The following TMEM132B variants were observed in gnomAD, a reference collection of about 807,000 sequenced individuals.
The protein encoded by TMEM132B is transmembrane protein 132B.
In TMEM132B, 18 loss-of-function variants were observed where a neutral mutation model predicts 90.8. That is an observed-to-expected ratio of 0.20 (90% CI 0.14 to 0.29). The LOEUF (loss-of-function observed/expected upper bound fraction) is 0.29. Ranked by LOEUF, TMEM132B falls within the 10% of genes least tolerant of loss-of-function variation. The pLI is 1.00. For missense variants in TMEM132B, 1,096 were observed against 1,326.8 expected (o/e 0.83, Z 2.70); for synonymous variants, 504 against 523.3 (o/e 0.96, Z 0.50).
At chr12:125,474,357 A>G (rs1370056006) in intron 3 of TMEM132B, among the ~76,000 whole-genome samples, 1 of 132,048 alleles carries the variant, frequency 7.6e-6, no homozygotes, top group Non-Finnish European at 1.5e-5. Flanking sequence ...CTGCAGTGGC[A>G]CAATCATAAC....
intron 4 of TMEM132B, among the ~76,000 whole-genome samples, chr12:125,568,492 A>G (rs190992279): frequency 8.7e-4 from 133 of 152,238 alleles, no homozygotes; most frequent in African/African-American, 3.0e-3. Flanking sequence ...CCCGCTCTCA[A>G]GGTCAGCCCT....
chr12:125,489,644 T>C (rs746894469), intron 3 of TMEM132B, among the ~76,000 whole-genome samples: 13 of 152,130 alleles, frequency 8.5e-5, no homozygotes, highest in Non-Finnish European at 1.6e-4. Context: ...ACTCCTAGGC[T>C]CAAGTGATTC....
intron 1 of TMEM132B, among the ~76,000 whole-genome samples, chr12:125,257,144 T>G (rs920440450): frequency 6.6e-5 from 10 of 152,038 alleles, no homozygotes; most frequent in Non-Finnish European, 1.5e-4. Context: ...AGACTCCAAC[T>G]CTCAGAAACA....
intron 1 of TMEM132B, among the ~76,000 whole-genome samples, chr12:125,241,311 G>T (rs1412295346): frequency 1.3e-5 from 2 of 152,146 alleles, no homozygotes; most frequent in Non-Finnish European, 2.9e-5. Flanking sequence ...ATGGGAATGG[G>T]ATATAAAAAT....
intron 1 of TMEM132B, among the ~76,000 whole-genome samples, chr12:125,322,454 A>C (rs929414422): frequency 1.3e-5 from 2 of 152,240 alleles, no homozygotes; most frequent in African/African-American, 4.8e-5. Context: ...ATGTATGTGA[A>C]TATCTAGAAC....
intron 1 of TMEM132B, among the ~76,000 whole-genome samples, chr12:125,336,078 G>A (rs1486344259): frequency 1.3e-5 from 2 of 152,182 alleles, no homozygotes; most frequent in Admixed American, 6.5e-5. Context: ...TGTAAGCATC[G>A]GCACGGTCAG....
intron 1 of TMEM132B, among the ~76,000 whole-genome samples, chr12:125,313,029 T>C (rs186263805): frequency 7.2e-5 from 11 of 152,316 alleles, no homozygotes; most frequent in East Asian, 1.9e-4. Flanking sequence ...ATAATTTTTA[T>C]TGGACACCCC....
intron 2 of TMEM132B, among the ~76,000 whole-genome samples, chr12:125,400,680 G>A (rs918198547): frequency 1.3e-5 from 2 of 152,208 alleles, no homozygotes; most frequent in Non-Finnish European, 2.9e-5. Flanking sequence ...TGCTTAGTGG[G>A]AGATGCAAGC....
intron 2 of TMEM132B, among the ~76,000 whole-genome samples, chr12:125,386,821 G>T (rs1165716155): frequency 1.3e-5 from 2 of 152,206 alleles, no homozygotes; most frequent in African/African-American, 4.8e-5. Context: ...AATGCATGCA[G>T]CCTGCTGTTT....
intron 2 of TMEM132B, among the ~76,000 whole-genome samples, chr12:125,358,858 A>G (rs1593103126): frequency 6.6e-6 from 1 of 152,212 alleles, no homozygotes; most frequent in Admixed American, 6.5e-5. Flanking sequence ...CCTTTTGCTT[A>G]TAACTTTTGG....
intron 3 of TMEM132B, among the ~76,000 whole-genome samples, chr12:125,509,348 A>T (rs377140742): frequency 6.6e-6 from 1 of 152,136 alleles, no homozygotes; most frequent in Admixed American, 6.5e-5. Flanking sequence ...TTCTCTGCGC[A>T]TGCAGGAGGA....
intron 1 of TMEM132B, among the ~76,000 whole-genome samples, chr12:125,241,188 G>T (rs1044701013): frequency 3.3e-5 from 5 of 152,194 alleles, no homozygotes; most frequent in Non-Finnish European, 1.5e-5. Flanking sequence ...AGAAATTTGA[G>T]ATATGGTAAT....
Position 125,261,213 on chromosome 12 carries a change from A to AT in TMEM132B, c.67+74353dup, listed in dbSNP as rs1874560604. On this transcript the variant is annotated intron_variant, in intron 1 of 8. Coordinates refer to ENST00000682704, the MANE Select transcript of TMEM132B (RefSeq NM_001366854.1). The stretch of plus-strand genomic sequence containing the variant: ...AATTCTGTGACTGTTTTCAGTGCCC[A>AT]TTTTTTCTTTCTTTTCCTGCAAAAT... Among the ~76,000 whole-genome samples the AT allele has an allele frequency of 2.0e-5, 3 of 152,142 alleles. 1 individual carries two copies. Among genetic ancestry groups the AT allele is most frequent in the South Asian group, 4.1e-4 (2 of 4,832 alleles).
At chr12:125,553,520 C>T (rs949139090) in intron 4 of TMEM132B, among the ~76,000 whole-genome samples, 4 of 152,072 alleles carry the variant, frequency 2.6e-5, no homozygotes, top group African/African-American at 4.8e-5. Flanking sequence ...CTCTGAAGTT[C>T]GATGAGGATC....
At chr12:125,272,899 C>T (rs755843075) in intron 1 of TMEM132B, among the ~76,000 whole-genome samples, 2 of 152,172 alleles carry the variant, frequency 1.3e-5, no homozygotes, top group Non-Finnish European at 2.9e-5. Flanking sequence ...TGTCATTCTT[C>T]GCTCAAACAG....
chr12:125,636,160 G>A (rs1033782514), intron 5 of TMEM132B, among the ~76,000 whole-genome samples: 7 of 152,144 alleles, frequency 4.6e-5, no homozygotes, highest in African/African-American at 9.7e-5. Flanking sequence ...TTTTTGGTGT[G>A]TAGATAGTTG....
chr12:125,343,302 G>A (rs1168634376), intron 1 of TMEM132B, among the ~76,000 whole-genome samples: 2 of 152,114 alleles, frequency 1.3e-5, no homozygotes, highest in Non-Finnish European at 2.9e-5. Context: ...AGATGCTCTG[G>A]GTCAGCTGTA....
intron 1 of TMEM132B, among the ~76,000 whole-genome samples, chr12:125,193,747 A>C (rs1487053027): frequency 6.6e-6 from 1 of 152,252 alleles, no homozygotes. Context: ...GAACAGAGGT[A>C]TAAATCGGGG....
chr12:125,245,690 TG>T (rs369910734), intron 1 of TMEM132B, among the ~76,000 whole-genome samples: 33 of 151,824 alleles, frequency 2.2e-4, no homozygotes, highest in African/African-American at 5.8e-4. Flanking sequence ...TGTCGGGGGA[TG>T]GGGGGGGACT....
Sources: allele counts gnomAD v4.1 joint callset (sites outside exome capture counted in the v4.1 genomes callset), GRCh38; gene constraint gnomAD v4.1.1; transcripts MANE v1.5; gene names NCBI Gene and HGNC (gene_info 2026-07-23, HGNC 2026-07-21).